FAT1: variants seen among roughly 807,000 people sequenced by gnomAD.
The protein encoded by FAT1 is protocadherin Fat 1.
FAT1 carries 171 observed loss-of-function variants against 329.8 expected under a neutral mutation model. That is an observed-to-expected ratio of 0.52 (90% CI 0.46 to 0.59). The LOEUF is 0.59. Ranked by LOEUF, FAT1 falls within the 20% of genes least tolerant of loss-of-function variation. FAT1 has a pLI of 0.00. For synonymous variants in FAT1, 2,233 were observed against 2,228.6 expected (o/e 1.00, Z -0.06); for missense variants, 5,672 against 5,774.4 (o/e 0.98, Z 0.57).
intron 2 of FAT1, among the ~76,000 whole-genome samples, chr4:186,703,102 G>A (rs1417717362): frequency 6.6e-6 from 1 of 152,092 alleles, no homozygotes; most frequent in East Asian, 1.9e-4. Flanking sequence ...GCATGGATCT[G>A]TCAGAACAGT....
chr4:186,634,880 G>GCA (rs1740757602), intron 6 of FAT1, among the ~76,000 whole-genome samples: 1 of 152,220 alleles, frequency 6.6e-6, no homozygotes, highest in Non-Finnish European at 1.5e-5. Context: ...CCAGGTCCAA[G>GCA]CACAGCAAGG....
chr4:186,659,101 T>C (rs1260026033), intron 3 of FAT1, among the ~76,000 whole-genome samples: 1 of 152,138 alleles, frequency 6.6e-6, no homozygotes, highest in Admixed American at 6.6e-5. Context: ...CATTTAGCTA[T>C]GTTTGGATAC....
chr4:186,591,573 G>A lies in FAT1; in HGVS notation c.13139-2353C>T, dbSNP rs1738241018. Among the ~76,000 whole-genome samples, 5 of 152,152 alleles carry A rather than the reference G, an allele frequency of 3.3e-5. No individual in the cohort carries two copies. The South Asian group carries it at 1.0e-3, about 31-fold the overall frequency. On this transcript the variant is annotated intron_variant, in intron 26 of 26. Transcript: ENST00000441802. ...ATGCCAAAAAATATTTGTCAATGAA[G>A]GAGACTGCAATGAAGGAACTGTTGA...
rs939888914 is a variant in FAT1, at chr4:186,588,064, A to C, written c.*528T>G. The C allele has an allele frequency of 4.6e-5, 10 of 219,402 alleles. No homozygotes were observed. Among genetic ancestry groups the C allele is most frequent in the African/African-American group, 2.3e-4 (10 of 44,370 alleles). The allele number at this position is 219,402 out of a possible 1,614,324, so 13.6% of individuals were successfully genotyped here. On this transcript the variant is annotated 3_prime_UTR_variant, in exon 27 of 27. Coordinates refer to ENST00000441802, the MANE Select transcript of FAT1 (RefSeq NM_005245.4). Reference sequence around the variant, plus strand: ...TGTACAGCTAGAAATGAATGACTACACTGAAATGTACTAACAAAATGTCAC... The same window carrying C: ...TGTACAGCTAGAAATGAATGACTACCCTGAAATGTACTAACAAAATGTCAC...
At chr4:186,697,259 T>C (rs1345746015) in intron 2 of FAT1, among the ~76,000 whole-genome samples, 1 of 152,146 alleles carries the variant, frequency 6.6e-6, no homozygotes, top group Non-Finnish European at 1.5e-5. Flanking sequence ...GAGTTTGAAC[T>C]GCACAGGCCC....
At chr4:186,653,885 C>A (rs1479341912) in intron 3 of FAT1, among the ~76,000 whole-genome samples, 1 of 152,038 alleles carries the variant, frequency 6.6e-6, no homozygotes, top group Non-Finnish European at 1.5e-5. Context: ...ATGACCCCTG[C>A]GGTACATGCT....
chr4:186,591,640 A>C (rs917818483), intron 26 of FAT1, among the ~76,000 whole-genome samples: 2 of 152,226 alleles, frequency 1.3e-5, no homozygotes, highest in Non-Finnish European at 2.9e-5. Context: ...AAAATGCTGA[A>C]GGTCATCAGT....
At chr4:186,674,679 A>G (rs78559001) in intron 2 of FAT1, among the ~76,000 whole-genome samples, 3 of 152,098 alleles carry the variant, frequency 2.0e-5, no homozygotes, top group Admixed American at 2.0e-4. Flanking sequence ...AAAGGATATT[A>G]AAAAAAATCC....
At chr4:186,626,302 G>C (rs1740303268) in intron 9 of FAT1, among the ~76,000 whole-genome samples, 1 of 90,812 alleles carries the variant, frequency 1.1e-5, no homozygotes, top group Admixed American at 1.2e-4. Flanking sequence ...CAGAATGAAT[G>C]AATGAATGAA....
In FAT1 at chr4:186,705,417, A is replaced by G. The variant is rs145161406; in HGVS notation, c.3265+1146T>C. On this transcript the variant is annotated intron_variant, in intron 2 of 26. Transcript: ENST00000441802. ...TTTAAAAAGGTCCCTTTTAAAATGC[A>G]CAGATTTATAAAGTACACATGGGTG... Among the ~76,000 whole-genome samples the G allele has an allele frequency of 4.9e-4, 75 of 152,310 alleles. 1 individual carries two copies. Among genetic ancestry groups the G allele is most frequent in the African/African-American group, 1.7e-3 (72 of 41,574 alleles).
At position 186,723,818 on chromosome 4, in the gene FAT1, G is replaced by T. The variant is rs1300041874; in HGVS notation, c.-173C>A. ...CGAGCCGCTCCCGCGCCCTCTCCCCGCGCCCGGCCGCCCAGCTCGGCGCCG... is the reference window on the plus strand; with the variant it reads ...CGAGCCGCTCCCGCGCCCTCTCCCCTCGCCCGGCCGCCCAGCTCGGCGCCG... On this transcript the variant is annotated 5_prime_UTR_variant, in exon 1 of 27. Transcript: ENST00000441802. 3 of 149,928 alleles carry T rather than the reference G, an allele frequency of 2.0e-5. No individual in the cohort carries two copies. The highest frequency in any genetic ancestry group is 4.9e-5 in the African/African-American group (2 of 40,670). 9.3% of individuals were successfully genotyped at this position (149,928 alleles called of 1,614,324 possible).
intron 2 of FAT1, among the ~76,000 whole-genome samples, chr4:186,682,768 G>A (rs934003586): frequency 6.6e-6 from 1 of 152,206 alleles, no homozygotes; most frequent in Non-Finnish European, 1.5e-5. Flanking sequence ...CAGATCAGAG[G>A]AGGATTTTCC....
chr4:186,588,532 C>A lies in FAT1; in HGVS notation c.*60G>T, dbSNP rs564119304. On this transcript the variant is annotated 3_prime_UTR_variant, in exon 27 of 27. Coordinates refer to ENST00000441802, the MANE Select transcript of FAT1 (RefSeq NM_005245.4). Reference sequence around the variant, plus strand: ...GGAAGCACTGCTGCAAAGAACAGCGCGGATTACTCACATCACCTCTAGGTT... The same window carrying A: ...GGAAGCACTGCTGCAAAGAACAGCGAGGATTACTCACATCACCTCTAGGTT... 2 of 1,546,576 alleles carry A rather than the reference C, an allele frequency of 1.3e-6. No individual in the cohort carries two copies. The highest frequency in any genetic ancestry group is 1.7e-6 in the Non-Finnish European group (2 of 1,149,068).
chr4:186,664,642 G>A (rs1236363705), intron 2 of FAT1, among the ~76,000 whole-genome samples: 7 of 152,200 alleles, frequency 4.6e-5, no homozygotes, highest in Admixed American at 4.6e-4. Flanking sequence ...CTCCTCTGGG[G>A]ATAAGAAGTA....
rs757782940 is a variant in FAT1 at position 186,636,809 on chromosome 4, A to G, written c.3748T>C (p.Tyr1250His). 3.1e-6 allele frequency: 5 copies of G among 1,613,978 alleles called. No individual in the cohort carries two copies. In the South Asian group the frequency reaches 5.5e-5, roughly 18 times the overall value. The change falls in exon 5 of 27, where the codon TAC becomes CAC. Residue 1250 changes from tyrosine (Y) to histidine (H), a missense_variant. By Grantham distance (83) the Tyr-to-His change is moderately conservative. Transcript: ENST00000441802. ...TCCCGCTCAGGGAGTCTGATTTTGT[A>G]GAACTTTTGCAGAAACTGAGGTTTG... ...DNKPQFLQKFYKIRLPEREKP... is the reference protein window; with the variant it reads ...DNKPQFLQKFHKIRLPEREKP...
rs1035488289 is a variant in FAT1 at position 186,596,696 on chromosome 4, G to T, written c.12844C>A (p.Pro4282Thr). 4.3e-6 allele frequency: 7 copies of T among 1,613,520 alleles called. No individual in the cohort carries two copies. The highest frequency in any genetic ancestry group is 5.9e-6 in the Non-Finnish European group (7 of 1,179,584). The change falls in exon 25 of 27, where the codon CCC becomes ACC. Residue 4282 changes from proline to threonine, a missense_variant. Physicochemically the swap from Pro to Thr is conservative, Grantham distance 38 (BLOSUM62 -1). This residue lies in a region of FAT1 where 1,706 missense variants were observed against 1,859.1 expected (regional missense o/e 0.92). Coordinates refer to ENST00000441802, the MANE Select transcript of FAT1 (RefSeq NM_005245.4). This position sits in a 1 kb window ranked among gnomAD's most constrained non-coding sequence, Gnocchi z 4.7. ...SFEGSAIPEH[P>T]EFSTFNPESV... ...TCGGGGTTAAAAGTGCTGAATTCGG[G>T]ATGCTCTGGGATAGCAGATCCTTCG...
At chr4:186,721,254 T>C (rs1038066493) in intron 1 of FAT1, among the ~76,000 whole-genome samples, 2 of 150,852 alleles carry the variant, frequency 1.3e-5, no homozygotes, top group African/African-American at 5.0e-5. Context: ...AAAGATGACT[T>C]AAAAAACTTA....
At chr4:186,702,596 G>C (rs1744381983) in intron 2 of FAT1, among the ~76,000 whole-genome samples, 3 of 152,104 alleles carry the variant, frequency 2.0e-5, no homozygotes, top group Admixed American at 1.3e-4. Flanking sequence ...AAAATCTTCT[G>C]GCCAGGCATT....
At chr4:186,591,122 G>T (rs897977877) in intron 26 of FAT1, among the ~76,000 whole-genome samples, 8 of 152,202 alleles carry the variant, frequency 5.3e-5, no homozygotes, top group African/African-American at 1.9e-4. Context: ...CCAGGCCCTG[G>T]CTAACCTTCA....
Sources: allele counts gnomAD v4.1 joint callset (sites outside exome capture counted in the v4.1 genomes callset), GRCh38; gene constraint gnomAD v4.1.1; regional missense constraint gnomAD v4.1.1; non-coding constraint Gnocchi (gnomAD v3.1); transcripts MANE v1.5; gene names NCBI Gene and HGNC (gene_info 2026-07-23, HGNC 2026-07-21).